Variants in TRPM7 observed in about 807,000 individuals in gnomAD.
TRPM7 encodes the protein LTRPC ion channel family member 7.
A neutral mutation model predicts 229.7 loss-of-function variants in TRPM7; 134 were observed. The observed-to-expected ratio is 0.58, with a 90% CI of 0.51 to 0.67. The LOEUF is 0.67. Ranked by LOEUF, TRPM7 falls within the 30% of genes least tolerant of loss-of-function variation. The pLI is 0.00. For synonymous variants in TRPM7, 699 were observed against 715.2 expected, an observed-to-expected ratio of 0.98 and a Z score of 0.36; for missense variants, 1,901 against 2,210.0, an observed-to-expected ratio of 0.86 and a Z score of 2.80.
At chr15:50,579,279 A>G (rs2054285700) in intron 30 of TRPM7, among the ~76,000 whole-genome samples, 1 of 152,224 alleles carries the variant, frequency 6.6e-6, no homozygotes, top group African/African-American at 2.4e-5. Context: ...TTAGAGGCTT[A>G]GCACTTTCAT....
At chr15:50,640,288 G>GA (rs1261807029) in intron 5 of TRPM7, among the ~76,000 whole-genome samples, 1 of 151,718 alleles carries the variant, frequency 6.6e-6, no homozygotes, top group East Asian at 1.9e-4. Flanking sequence ...TTTTGAGGGA[G>GA]GGAGTCAGGG....
chr15:50,588,397 ATTAAG>A (rs146180371), intron 27 of TRPM7: 54,564 of 156,922 alleles, frequency 0.35, 10,651 homozygotes, highest in Admixed American at 0.48. Flanking sequence ...TAGATATTAA[ATTAAG>A]TTAATTGATT....
Position 50,686,731 on chromosome 15 carries a change from A to C in TRPM7, c.-198T>G. 4.7e-6 allele frequency: 3 copies of C among 641,900 alleles called. No homozygotes were observed. Among genetic ancestry groups the C allele is most frequent in the South Asian group, 2.3e-5 (1 of 43,086 alleles). 39.8% of individuals were successfully genotyped at this position (641,900 alleles called of 1,614,324 possible). On this transcript the variant is annotated 5_prime_UTR_variant, in exon 1 of 39. Transcript: ENST00000646667. Reference sequence around the variant, plus strand: ...CGAGTCTTTCATAATTGTGCGACCAACTCCTCCGGGTGACTGGCCACAGGG... The same window carrying C: ...CGAGTCTTTCATAATTGTGCGACCACCTCCTCCGGGTGACTGGCCACAGGG...
chr15:50,679,538 A>ATATATATATATTT lies in TRPM7; in HGVS notation c.3+6992_3+6993insAAATATATATATA, dbSNP rs1400383980. 1.8e-4 allele frequency among the ~76,000 whole-genome samples: 8 copies of ATATATATATATTT among 43,898 alleles called. 1 individual carries two copies. Among genetic ancestry groups the ATATATATATATTT allele is most frequent in the African/African-American group, 8.6e-4 (8 of 9,316 alleles). 28.8% of individuals were successfully genotyped at this position (43,898 alleles called of 152,430 possible). A position where few individuals can be genotyped will look rare whatever the true frequency, so the allele number is the denominator to read the frequency against. ...TATATATATATATATATATATATATATTTTTTTTTTTTTTTGAGACAGAGT... is the reference window on the plus strand; with the variant it reads ...TATATATATATATATATATATATATATATATATATATTTTTTTTTTTTTTTTTTGAGACAGAGT... On this transcript the variant is annotated intron_variant, in intron 1 of 38. Transcript: ENST00000646667.
intron 1 of TRPM7, among the ~76,000 whole-genome samples, chr15:50,673,760 T>G (rs965845057): frequency 1.3e-5 from 2 of 152,190 alleles, no homozygotes; most frequent in Non-Finnish European, 2.9e-5. Context: ...TATCTTTTTC[T>G]TATAATGACT....
Position 50,592,499 on chromosome 15 carries a change from ATGTATCTAC to A in TRPM7, c.3727_3735del (p.Val1243_Thr1245del). 2 of 1,614,096 alleles carry A rather than the reference ATGTATCTAC, an allele frequency of 1.2e-6. No individual in the cohort carries two copies. Among genetic ancestry groups the A allele is most frequent in the Non-Finnish European group, 1.7e-6 (2 of 1,180,022 alleles). On this transcript the variant is annotated inframe_deletion, in exon 26 of 39. Coordinates refer to ENST00000646667, the MANE Select transcript of TRPM7 (RefSeq NM_017672.6). ...GCTTTCTGGGCAGTGAGTGTTTTTA[ATGTATCTAC>A]CGTCAGGGCTGAAAGATCTTGCAAA...
chr15:50,598,838 G>GACCACT (rs2059699766), intron 22 of TRPM7, among the ~76,000 whole-genome samples: 1 of 152,150 alleles, frequency 6.6e-6, no homozygotes, highest in Non-Finnish European at 1.5e-5. Context: ...CAACCCTAAA[G>GACCACT]ACCACTAGAC....
intron 1 of TRPM7, among the ~76,000 whole-genome samples, chr15:50,679,529 T>TATATGTGTATATATATA (rs2062192385): frequency 1.9e-5 from 1 of 51,756 alleles, no homozygotes; most frequent in African/African-American, 7.9e-5. Context: ...TATATATATA[T>TATATGTGTATATATATA]ATATATATAT....
intron 36 of TRPM7, among the ~76,000 whole-genome samples, chr15:50,570,379 C>A (rs2053818198): frequency 1.3e-5 from 2 of 152,088 alleles, no homozygotes; most frequent in African/African-American, 4.8e-5. Context: ...GTAATGTGAA[C>A]AAGAGTTAAA....
At chr15:50,664,570 G>C (rs1192663515) in intron 1 of TRPM7, among the ~76,000 whole-genome samples, 1 of 152,076 alleles carries the variant, frequency 6.6e-6, no homozygotes, top group Non-Finnish European at 1.5e-5. Flanking sequence ...CCAAATAAAA[G>C]TTTCAAAATA....
At chr15:50,647,563 A>G (rs1238958496) in intron 4 of TRPM7, among the ~76,000 whole-genome samples, 2 of 152,040 alleles carry the variant, frequency 1.3e-5, no homozygotes, top group Non-Finnish European at 2.9e-5. Context: ...GGCTAACACA[A>G]TGAAACCCTG....
chr15:50,633,903 T>C (rs999314697), intron 8 of TRPM7, among the ~76,000 whole-genome samples: 1 of 152,228 alleles, frequency 6.6e-6, no homozygotes, highest in Non-Finnish European at 1.5e-5. Flanking sequence ...CAATAACATA[T>C]GAGTCAGGCT....
chr15:50,609,828 T>A lies in TRPM7; in HGVS notation c.2414A>T (p.Asn805Ile), dbSNP rs1173192984. The change falls in exon 18 of 39, where the codon AAC becomes ATC. Residue 805 changes from asparagine to isoleucine, a missense_variant. By Grantham distance (149) the Asn-to-Ile change is moderately radical. Transcript: ENST00000646667. ...TACCATGGGGATCTCTTCTGTTATG[T>A]TCTGAAAGTTGTTTTCGCTGTCATC... The part of the protein sequence containing the change: ...TMDDSENNFQ[N>I]ITEEIPMEVF... The A allele has an allele frequency of 6.2e-7, 1 of 1,612,988 alleles. No homozygotes were observed. Among genetic ancestry groups the A allele is most frequent in the African/African-American group, 1.3e-5 (1 of 75,040 alleles).
rs531908730 is a variant in TRPM7, at chr15:50,613,900, T to C, written c.1636-59A>G. On this transcript the variant is annotated intron_variant, in intron 14 of 38. Coordinates refer to ENST00000646667, the MANE Select transcript of TRPM7 (RefSeq NM_017672.6). ...TAAACGTGCTGACATGTTATAAAAA[T>C]TCAAGAATCAATTTATATATGTGTG... The C allele has an allele frequency of 7.0e-6, 11 of 1,569,644 alleles. No individual in the cohort carries two copies. The East Asian group carries it at 1.3e-4, about 19-fold the overall frequency.
At chr15:50,622,519 A>T (rs888012079) in intron 12 of TRPM7, among the ~76,000 whole-genome samples, 2 of 152,200 alleles carry the variant, frequency 1.3e-5, no homozygotes, top group African/African-American at 4.8e-5. Context: ...AATCCTTTTA[A>T]TTTTTACATC....
At chr15:50,671,373 C>CA (rs886899026) in intron 1 of TRPM7, among the ~76,000 whole-genome samples, 8 of 152,084 alleles carry the variant, frequency 5.3e-5, no homozygotes, top group African/African-American at 1.9e-4. Flanking sequence ...ATCCAGGTCA[C>CA]AAAAAACAGA....
At chr15:50,639,304 C>T (rs1186922952) in intron 6 of TRPM7, 120 bp downstream of exon 6, 1 of 830,868 alleles carries the variant, frequency 1.2e-6, no homozygotes, top group Non-Finnish European at 1.6e-6. Context: ...AGGAAAATAC[C>T]TTTTAAACTT....
In TRPM7 at chr15:50,575,056, T is replaced by C. The variant is rs1373932824; in HGVS notation, c.4815A>G (p.Leu1605=). ...LNNSMSSWSQ[L]GLCAKIEFLS... is the part of the protein sequence containing the mutation. ...AAAACTCTATTTTGGCACAGAGGCC[T>C]AGTTGTGACCAAGAAGACATGCTGT... The change falls in exon 34 of 39, where the codon CTA becomes CTG. Residue 1605 remains leucine, a synonymous_variant. Transcript: ENST00000646667. 7 of 1,614,144 alleles carry C rather than the reference T, an allele frequency of 4.3e-6. No homozygotes were observed. Among genetic ancestry groups the C allele is most frequent in the East Asian group, 2.2e-5 (1 of 44,870 alleles).
chr15:50,590,308 G>A (rs1596119408), intron 26 of TRPM7, among the ~76,000 whole-genome samples: 1 of 152,000 alleles, frequency 6.6e-6, no homozygotes, highest in South Asian at 2.1e-4. Flanking sequence ...CATATATACG[G>A]ATAATCACTC....
Sources: gnomAD v4.1 joint callset for allele counts (sites outside exome capture counted in the v4.1 genomes callset) on GRCh38, gnomAD v4.1.1 for gene constraint, MANE v1.5 for transcripts, NCBI Gene and HGNC (gene_info 2026-07-23, HGNC 2026-07-21) for gene names.